FANCC: variants seen among roughly 807,000 people sequenced by gnomAD.
FANCC encodes FA complementation group C.
In FANCC, 55 loss-of-function variants were observed where a neutral mutation model predicts 71.3. The observed-to-expected ratio is 0.77, with a 90% CI of 0.62 to 0.97. The LOEUF (loss-of-function observed/expected upper bound fraction) is 0.97, where lower values mean the gene tolerates loss of function less well. Ranked by LOEUF, FANCC falls within the 50% of genes least tolerant of loss-of-function variation. FANCC has a pLI of 0.00. For synonymous variants in FANCC, 275 were observed against 244.9 expected (o/e 1.12, Z -1.15); for missense variants, 678 against 670.9 (o/e 1.01, Z -0.12).
intron 6 of FANCC, among the ~76,000 whole-genome samples, chr9:95,154,191 A>C (rs1322484145): frequency 7.2e-6 from 1 of 139,478 alleles, no homozygotes; most frequent in African/African-American, 2.7e-5. Context: ...GATTGCAGTG[A>C]GCTGACATCA....
At chr9:95,163,676 C>T (rs950012647) in intron 6 of FANCC, among the ~76,000 whole-genome samples, 24 of 152,148 alleles carry the variant, frequency 1.6e-4, no homozygotes, top group African/African-American at 5.8e-4. Context: ...ACGGAGAAAG[C>T]CCATCTCTAC....
intron 10 of FANCC, among the ~76,000 whole-genome samples, chr9:95,120,867 CCCT>C (rs1380488709): frequency 6.6e-6 from 1 of 151,644 alleles, no homozygotes; most frequent in Non-Finnish European, 1.5e-5. Context: ...TTCTTTTTTC[CCCT>C]CAATTTTTTT....
At chr9:95,201,112 G>A (rs893677479) in intron 4 of FANCC, among the ~76,000 whole-genome samples, 3 of 152,126 alleles carry the variant, frequency 2.0e-5, no homozygotes, top group African/African-American at 7.2e-5. Flanking sequence ...GAACATTTTT[G>A]AAAGTTTTCA....
chr9:95,302,736 G>A (rs1834824487), intron 1 of FANCC, among the ~76,000 whole-genome samples: 1 of 152,178 alleles, frequency 6.6e-6, no homozygotes, highest in South Asian at 2.1e-4. Context: ...GCACGGCTCA[G>A]ATATGAAGGC....
At chr9:95,238,135 C>T (rs1830427079) in intron 4 of FANCC, among the ~76,000 whole-genome samples, 1 of 152,148 alleles carries the variant, frequency 6.6e-6, no homozygotes, top group Non-Finnish European at 1.5e-5. Flanking sequence ...TTCCACTTCC[C>T]CTTAAGGTCA....
chr9:95,235,345 C>T (rs1217426593), intron 4 of FANCC, among the ~76,000 whole-genome samples: 1 of 152,222 alleles, frequency 6.6e-6, no homozygotes, highest in African/African-American at 2.4e-5. Context: ...ACGAAGGTAG[C>T]ACCACAGATC....
rs2071946216 is a variant in FANCC at position 95,111,655 on chromosome 9, C to G, written c.1155-18G>C. ...CGCAGGACCTGGAACAGAGGCAGAA[C>G]ACATGGCAGTTGACAACCTAAATTC... is the stretch of plus-strand genomic sequence containing the variant. On this transcript the variant is annotated intron_variant, in intron 12 of 14. Coordinates refer to ENST00000289081, the MANE Select transcript of FANCC (RefSeq NM_000136.3). 2 of 1,613,976 alleles carry G rather than the reference C, an allele frequency of 1.2e-6. No individual in the cohort carries two copies. Among genetic ancestry groups the G allele is most frequent in the Admixed American group, 1.7e-5 (1 of 60,010 alleles).
chr9:95,309,078 A>G (rs1835232702), intron 1 of FANCC, among the ~76,000 whole-genome samples: 1 of 152,242 alleles, frequency 6.6e-6, no homozygotes. Context: ...AAAATCAGTC[A>G]TATTATACCA....
chr9:95,162,485 T>G (rs1309997097), intron 6 of FANCC, among the ~76,000 whole-genome samples: 1 of 152,236 alleles, frequency 6.6e-6, no homozygotes, highest in African/African-American at 2.4e-5. Context: ...ATGGGATTGC[T>G]GGATCATTTG....
At chr9:95,153,316 C>T (rs1166744891) in intron 6 of FANCC, among the ~76,000 whole-genome samples, 1 of 152,014 alleles carries the variant, frequency 6.6e-6, no homozygotes, top group Admixed American at 6.5e-5. Context: ...AATACATATG[C>T]AAGTGGTTTT....
chr9:95,128,286 CAG>C (rs1826318559), intron 8 of FANCC, among the ~76,000 whole-genome samples: 1 of 152,122 alleles, frequency 6.6e-6, no homozygotes. Context: ...CTAAGTTTGC[CAG>C]AGCAATTTTC....
At chr9:95,235,769 A>T (rs1379788616) in intron 4 of FANCC, among the ~76,000 whole-genome samples, 2 of 132,034 alleles carry the variant, frequency 1.5e-5, no homozygotes, top group African/African-American at 2.8e-5. Flanking sequence ...GCTTGAACCC[A>T]GGAGGCGGAG....
intron 6 of FANCC, among the ~76,000 whole-genome samples, chr9:95,155,281 G>GGAGGAAAGGGGAGGA (rs1372765886): frequency 4.0e-5 from 3 of 75,754 alleles, no homozygotes; most frequent in South Asian, 8.2e-4. Context: ...AAAGGGGAGG[G>GGAGGAAAGGGGAGGA]GAAGGAAGGG....
intron 4 of FANCC, among the ~76,000 whole-genome samples, chr9:95,224,473 T>C (rs1434609402): frequency 6.6e-6 from 1 of 151,990 alleles, no homozygotes; most frequent in Non-Finnish European, 1.5e-5. Context: ...AGCATTCAGT[T>C]AACAGTAATA....
intron 1 of FANCC, among the ~76,000 whole-genome samples, chr9:95,281,139 T>C (rs1188928257): frequency 2.6e-5 from 4 of 152,006 alleles, no homozygotes; most frequent in African/African-American, 7.2e-5. Context: ...AAAGAAATAA[T>C]AACAGAAAGT....
At chr9:95,114,440 C>A in intron 12 of FANCC, 189 bp downstream of exon 12, 1 of 688,454 alleles carries the variant, frequency 1.5e-6, no homozygotes, top group Non-Finnish European at 2.7e-6. Flanking sequence ...GCCTATTCAT[C>A]CTGACCTGCT....
chr9:95,185,523 C>A (rs1195590332), intron 4 of FANCC, among the ~76,000 whole-genome samples: 1 of 152,156 alleles, frequency 6.6e-6, no homozygotes, highest in Non-Finnish European at 1.5e-5. Context: ...GTAAATTAAC[C>A]TAAGCAGTGA....
intron 7 of FANCC, among the ~76,000 whole-genome samples, chr9:95,135,846 G>A (rs372697908): frequency 6.6e-6 from 1 of 152,186 alleles, no homozygotes; most frequent in Non-Finnish European, 1.5e-5. Flanking sequence ...TGAAGAAATA[G>A]GCATGTTCAA....
intron 14 of FANCC, among the ~76,000 whole-genome samples, chr9:95,104,513 T>G (rs2071292647): frequency 6.6e-6 from 1 of 152,146 alleles, no homozygotes. Context: ...CAGGAGGGAC[T>G]GCCCCACACA....
Sources: gnomAD v4.1 joint callset for allele counts (sites outside exome capture counted in the v4.1 genomes callset) on GRCh38, gnomAD v4.1.1 for gene constraint, MANE v1.5 for transcripts, NCBI Gene and HGNC (gene_info 2026-07-23, HGNC 2026-07-21) for gene names.